The following PAQR7 variants were observed in gnomAD, a reference collection of about 807,000 sequenced individuals.
PAQR7 encodes the protein membrane progestin receptor alpha.
A neutral mutation model predicts 24.6 loss-of-function variants in PAQR7; 14 were observed. The observed-to-expected ratio is 0.57, with a 90% CI of 0.38 to 0.89. The LOEUF is 0.89. Ranked by LOEUF, PAQR7 falls within the 40% of genes least tolerant of loss-of-function variation. The pLI, the probability that PAQR7 is intolerant of heterozygous loss-of-function variation, is 0.00. For synonymous variants in PAQR7, 189 were observed against 198.8 expected (o/e 0.95, Z 0.42); for missense variants, 351 against 444.0 (o/e 0.79, Z 1.88).
chr1:25,867,980 A>G (rs114053951), intron 2 of PAQR7, among the ~76,000 whole-genome samples: 5,912 of 152,302 alleles, frequency 0.039, 379 homozygotes, highest in African/African-American at 0.13. Context: ...TTGCTGCTGC[A>G]CTAATTGACG....
chr1:25,873,503 TG>T (rs1326466291), intron 1 of PAQR7, among the ~76,000 whole-genome samples: 1 of 150,808 alleles, frequency 6.6e-6, no homozygotes, highest in Non-Finnish European at 1.5e-5. Flanking sequence ...GAACAGAAAC[TG>T]TTTTTTTTTT....
rs1557463555 is a variant in PAQR7 at position 25,863,874 on chromosome 1, C to T, written c.-22-13G>A. On this transcript the variant is annotated splice_polypyrimidine_tract_variant and intron_variant, in intron 2 of 2. Coordinates refer to ENST00000675840, the MANE Select transcript of PAQR7 (RefSeq NM_178422.6). This position sits in a 1 kb window ranked among gnomAD's most constrained non-coding sequence, Gnocchi z 6.1. Reference sequence around the variant, plus strand: ...CCTGGGCAGGGAGCTGGGAGAGAGACCAGAGCAAAGTCAGGGGCCTGGTGT... The same window carrying T: ...CCTGGGCAGGGAGCTGGGAGAGAGATCAGAGCAAAGTCAGGGGCCTGGTGT... 6.4e-7 allele frequency: 1 copy of T among 1,574,002 alleles called. No individual in the cohort carries two copies. The highest frequency in any genetic ancestry group is 1.2e-5 in the South Asian group (1 of 86,374).
Position 25,863,201 on chromosome 1 carries a change from G to T in PAQR7, c.639C>A (p.Ala213=), listed in dbSNP as rs745449680. 15 of 1,614,238 alleles carry T rather than the reference G, an allele frequency of 9.3e-6. No homozygotes were observed. The South Asian group carries it at 1.6e-4, about 18-fold the overall frequency. ...RTCQEVPSVL[A]YALDISPVVH... is the part of the protein sequence containing the mutation. ...CCACAGGACTAATGTCCAGTGCGTA[G>T]GCCAGGACGGAGGGCACCTCCTGGC... is the stretch of plus-strand genomic sequence containing the variant. The change falls in exon 3 of 3, where the codon GCC becomes GCA. Residue 213 remains alanine, a synonymous_variant. Transcript: ENST00000675840. The surrounding 1 kb of genome is among the most constrained non-coding windows in gnomAD (Gnocchi z 6.1).
rs2048532192 is a variant in PAQR7, at chr1:25,863,678, C to T, written c.162G>A (p.Leu54=). ...KPYIYAGYRP[L]HQTWRFYFRT... ...GGAAATAGAAGCGCCAGGTCTGATG[C>T]AGCGGCCGGTAGCCCGCATAGATGT... The change falls in exon 3 of 3, where the codon CTG becomes CTA. Residue 54 remains leucine (L), a synonymous_variant. Coordinates refer to ENST00000675840, the MANE Select transcript of PAQR7 (RefSeq NM_178422.6). This position sits in a 1 kb window ranked among gnomAD's most constrained non-coding sequence, Gnocchi z 6.1. The T allele has an allele frequency of 6.2e-7, 1 of 1,614,218 alleles. No homozygotes were observed. The highest frequency in any genetic ancestry group is 8.5e-7 in the Non-Finnish European group (1 of 1,180,052).
In PAQR7 at chr1:25,863,652, C is replaced by T. The variant is rs201686343; in HGVS notation, c.188G>A (p.Arg63His). Residue 63 changes from arginine to histidine, a missense_variant, in exon 3 of 3, where the codon CGC (arginine) becomes CAC (histidine). Physicochemically the swap from Arg to His is conservative, Grantham distance 29 (BLOSUM62 0). Transcript: ENST00000675840. The surrounding 1 kb of genome is among the most constrained non-coding windows in gnomAD (Gnocchi z 6.1). ...CTCGTTGTGCTGCTGGAACAGCGTG[C>T]GGAAATAGAAGCGCCAGGTCTGATG... ...PLHQTWRFYF[R>H]TLFQQHNEAV... The T allele has an allele frequency of 1.2e-6, 2 of 1,614,104 alleles. No individual in the cohort carries two copies. The highest frequency in any genetic ancestry group is 1.3e-5 in the African/African-American group (1 of 75,034).
At position 25,863,266 on chromosome 1, in the gene PAQR7, T is replaced by C; in HGVS notation, c.574A>G (p.Asn192Asp). The C allele has an allele frequency of 6.2e-7, 1 of 1,614,176 alleles. No individual in the cohort carries two copies. Among genetic ancestry groups the C allele is most frequent in the Non-Finnish European group, 8.5e-7 (1 of 1,180,008 alleles). Residue 192 changes from asparagine to aspartate, a missense_variant, in exon 3 of 3, where the codon AAC becomes GAC. Physicochemically the swap from Asn to Asp is conservative, Grantham distance 23. Coordinates refer to ENST00000675840, the MANE Select transcript of PAQR7 (RefSeq NM_178422.6). The surrounding 1 kb of genome is among the most constrained non-coding windows in gnomAD (Gnocchi z 6.1). ...AWLSCIGSCYNKYIQKPGLLG... is the reference protein window; with the variant it reads ...AWLSCIGSCYDKYIQKPGLLG... ...AGGCCTGGTTTCTGGATGTACTTGTTATAGCAGGAGCCAATGCAGGAAAGC... is the reference window on the plus strand; with the variant it reads ...AGGCCTGGTTTCTGGATGTACTTGTCATAGCAGGAGCCAATGCAGGAAAGC...
chr1:25,870,388 C>A (rs2048594043), intron 2 of PAQR7, among the ~76,000 whole-genome samples: 1 of 152,148 alleles, frequency 6.6e-6, no homozygotes, highest in African/African-American at 2.4e-5. Flanking sequence ...AGGGGCGGGG[C>A]TTCCAGGGAC....
intron 1 of PAQR7, among the ~76,000 whole-genome samples, chr1:25,872,509 A>ATTTTT (rs55654329): frequency 2.8e-5 from 3 of 108,914 alleles, no homozygotes; most frequent in Non-Finnish European, 5.5e-5. Context: ...ACACCACAGG[A>ATTTTT]TTTTTTTTTT....
chr1:25,874,380 G>A (rs1409948431), intron 1 of PAQR7, among the ~76,000 whole-genome samples: 1 of 152,178 alleles, frequency 6.6e-6, no homozygotes. Context: ...ATTCTGTGGA[G>A]CTGAGACTTA....
intron 1 of PAQR7, among the ~76,000 whole-genome samples, chr1:25,874,412 A>T (rs11800831): frequency 6.6e-6 from 1 of 152,190 alleles, no homozygotes; most frequent in Non-Finnish European, 1.5e-5. Context: ...AGGAGGGGGA[A>T]TCTCTTAGGC....
rs181987909 is a variant in PAQR7 at position 25,872,546 on chromosome 1, T to C, written c.-108-1852A>G. The stretch of plus-strand genomic sequence containing the variant: ...TTTTTTTTTTTTTGAGACAGGGTCA[T>C]GCTCTGTCCCCCAGGCTGGAGTGCA... On this transcript the variant is annotated intron_variant, in intron 1 of 2. Coordinates refer to ENST00000675840, the MANE Select transcript of PAQR7 (RefSeq NM_178422.6). Among the ~76,000 whole-genome samples, 3 of 144,016 alleles carry C rather than the reference T, an allele frequency of 2.1e-5. No homozygotes were observed. In the East Asian group the frequency reaches 6.1e-4, roughly 29 times the overall value. 94.5% of individuals were successfully genotyped at this position (144,016 alleles called of 152,430 possible).
chr1:25,873,504 GT>G (rs113448673), intron 1 of PAQR7, among the ~76,000 whole-genome samples: 55 of 143,510 alleles, frequency 3.8e-4, no homozygotes, highest in East Asian at 1.2e-3. Flanking sequence ...AACAGAAACT[GT>G]TTTTTTTTTT....
chr1:25,867,825 C>T (rs2048570075), intron 2 of PAQR7, among the ~76,000 whole-genome samples: 1 of 152,206 alleles, frequency 6.6e-6, no homozygotes, highest in Admixed American at 6.5e-5. Context: ...TGGCATCAGC[C>T]CTGCTCCCCA....
intron 2 of PAQR7, among the ~76,000 whole-genome samples, chr1:25,869,304 G>C (rs1243911056): frequency 6.6e-6 from 1 of 152,112 alleles, no homozygotes; most frequent in Admixed American, 6.5e-5. Context: ...GGGCGCAGTG[G>C]CTCACACCTG....
intron 2 of PAQR7, among the ~76,000 whole-genome samples, chr1:25,866,727 T>G (rs112914703): frequency 0.039 from 5,900 of 152,122 alleles, 376 homozygotes; most frequent in African/African-American, 0.13. Flanking sequence ...TGTTTTTTTG[T>G]GTGTTTTGTT....
intron 2 of PAQR7, among the ~76,000 whole-genome samples, chr1:25,867,467 C>CA (rs1278506869): frequency 6.6e-6 from 1 of 152,158 alleles, no homozygotes; most frequent in Non-Finnish European, 1.5e-5. Flanking sequence ...TTCATTAACT[C>CA]AAATAGTTAT....
rs115265658 is a variant in PAQR7 at position 25,862,160 on chromosome 1, G to A, written c.*639C>T. The A allele has an allele frequency of 7.6e-3, 1,163 of 152,566 alleles. 18 individuals carry two copies. Among genetic ancestry groups the A allele is most frequent in the African/African-American group, 0.026 (1,062 of 41,540 alleles). 9.5% of individuals were successfully genotyped at this position (152,566 alleles called of 1,614,324 possible). ...TAACAAGGGAACCAGGAGAGAAGCT[G>A]GGAACAGGCCGTGTGGGACACAGAA... On this transcript the variant is annotated 3_prime_UTR_variant, in exon 3 of 3. Coordinates refer to ENST00000675840, the MANE Select transcript of PAQR7 (RefSeq NM_178422.6).
At chr1:25,868,571 G>C (rs1480623364) in intron 2 of PAQR7, among the ~76,000 whole-genome samples, 1 of 151,966 alleles carries the variant, frequency 6.6e-6, no homozygotes, top group Admixed American at 6.6e-5. Flanking sequence ...TTCGCCAGGT[G>C]TGGTGGTGTG....
chr1:25,873,269 G>A (rs2048619751), intron 1 of PAQR7, among the ~76,000 whole-genome samples: 1 of 152,218 alleles, frequency 6.6e-6, no homozygotes, highest in Non-Finnish European at 1.5e-5. Flanking sequence ...GAGGCGGGAG[G>A]GCAGAGCACA....
Sources: gnomAD v4.1 joint callset for allele counts (sites outside exome capture counted in the v4.1 genomes callset) on GRCh38, gnomAD v4.1.1 for gene constraint, Gnocchi (gnomAD v3.1) non-coding constraint, MANE v1.5 for transcripts, NCBI Gene and HGNC (gene_info 2026-07-23, HGNC 2026-07-21) for gene names.